TRHDE: variants seen among roughly 807,000 people sequenced by gnomAD.
TRHDE encodes the protein thyrotropin releasing hormone degrading enzyme.
TRHDE carries 72 observed loss-of-function variants against 125.7 expected under a neutral mutation model. The observed-to-expected ratio is 0.57, with a 90% CI of 0.47 to 0.70. The LOEUF (loss-of-function observed/expected upper bound fraction) is 0.70. Ranked by LOEUF, TRHDE falls within the 30% of genes least tolerant of loss-of-function variation. The pLI, the probability that TRHDE is intolerant of heterozygous loss-of-function variation, is 0.00. For missense variants in TRHDE, 1,110 were observed against 1,327.1 expected (o/e 0.84, Z 2.54); for synonymous variants, 509 against 509.1 (o/e 1.00, Z 0.00).
intron 2 of TRHDE, among the ~76,000 whole-genome samples, chr12:72,299,924 A>C (rs1880441928): frequency 6.6e-6 from 1 of 152,140 alleles, no homozygotes; most frequent in South Asian, 2.1e-4. Flanking sequence ...AGTGATTGAG[A>C]AGTATTGGGT....
intron 3 of TRHDE, among the ~76,000 whole-genome samples, chr12:72,389,066 G>A (rs1002702582): frequency 2.6e-5 from 4 of 151,890 alleles, no homozygotes; most frequent in African/African-American, 9.7e-5. Context: ...CGGGAGAGAG[G>A]CAGAAAAAAT....
At chr12:72,485,367 A>T (rs900679474) in intron 5 of TRHDE, among the ~76,000 whole-genome samples, 2 of 152,082 alleles carry the variant, frequency 1.3e-5, no homozygotes, top group Non-Finnish European at 2.9e-5. Flanking sequence ...TCCTGAGCTG[A>T]TCTGCTGCTA....
At chr12:72,509,295 T>C (rs958045567) in intron 6 of TRHDE, among the ~76,000 whole-genome samples, 5 of 151,324 alleles carry the variant, frequency 3.3e-5, no homozygotes, top group Admixed American at 3.3e-4. Flanking sequence ...CACAAAATGA[T>C]AATAAAAGAC....
chr12:72,354,500 G>A (rs905408779), intron 2 of TRHDE, among the ~76,000 whole-genome samples: 1 of 151,044 alleles, frequency 6.6e-6, no homozygotes, highest in South Asian at 2.1e-4. Flanking sequence ...CAGTGCCTAG[G>A]GCATAGCAGG....
intron 2 of TRHDE, among the ~76,000 whole-genome samples, chr12:72,250,722 G>A (rs1229789066): frequency 4.0e-5 from 6 of 151,228 alleles, no homozygotes; most frequent in Non-Finnish European, 8.8e-5. Flanking sequence ...TTTCCCTTTG[G>A]CCAGAGAAAA....
chr12:72,402,800 T>G (rs369319155), intron 3 of TRHDE, among the ~76,000 whole-genome samples: 38 of 152,308 alleles, frequency 2.5e-4, no homozygotes, highest in East Asian at 1.7e-3. Flanking sequence ...ACAACTTTTT[T>G]GTCCTTTATT....
chr12:72,378,695 A>G (rs1872010308), intron 3 of TRHDE, among the ~76,000 whole-genome samples: 1 of 152,218 alleles, frequency 6.6e-6, no homozygotes, highest in African/African-American at 2.4e-5. Flanking sequence ...CTAGTACACT[A>G]TTATAGTAAA....
At chr12:72,262,560 A>G (rs957911146) in intron 2 of TRHDE, 6 of 152,170 alleles carry the variant, frequency 3.9e-5, no homozygotes, top group African/African-American at 1.4e-4. Context: ...GCATAGTGAT[A>G]ACACTTTTAT....
rs17111146 is a variant in TRHDE, at chr12:72,428,326, G to A, written c.1316-41432G>A. 4.2e-3 allele frequency among the ~76,000 whole-genome samples: 646 copies of A among 152,128 alleles called. 4 individuals are homozygous for A. The highest frequency in any genetic ancestry group is 0.017 in the Middle Eastern group (5 of 294). ...TAATTCCATAATGTGTCATTTGTAA[G>A]CAATGTGATGGTGAATACTAATATG... On this transcript the variant is annotated intron_variant, in intron 3 of 18. Transcript: ENST00000261180.
intron 2 of TRHDE, among the ~76,000 whole-genome samples, chr12:72,194,239 A>T (rs139204590): frequency 6.6e-6 from 1 of 152,248 alleles, no homozygotes; most frequent in East Asian, 1.9e-4. Flanking sequence ...ATTGATGTTG[A>T]TACACAGAAT....
intron 3 of TRHDE, among the ~76,000 whole-genome samples, chr12:72,410,403 C>G (rs566604880): frequency 3.6e-4 from 55 of 152,026 alleles, no homozygotes; most frequent in African/African-American, 1.3e-3. Flanking sequence ...TTTTATGAGG[C>G]CAGCATAACT....
intron 15 of TRHDE, among the ~76,000 whole-genome samples, chr12:72,637,482 G>GT (rs1181421652): frequency 1.3e-5 from 2 of 152,026 alleles, no homozygotes; most frequent in Non-Finnish European, 2.9e-5. Context: ...TTTTTGAAGG[G>GT]TTTTTTGTGT....
chr12:72,124,334 A>G (rs913634056), intron 2 of TRHDE, among the ~76,000 whole-genome samples: 3 of 152,212 alleles, frequency 2.0e-5, no homozygotes, highest in African/African-American at 7.2e-5. Context: ...TGTTCAGATC[A>G]TATTGTCATA....
intron 2 of TRHDE, among the ~76,000 whole-genome samples, chr12:72,240,305 T>TTATATATATATATA (rs56969276): frequency 1.5e-3 from 169 of 111,328 alleles, no homozygotes; most frequent in Non-Finnish European, 2.9e-3. Context: ...TTCTCACATT[T>TTATATATATATATA]TATATATATA....
intron 2 of TRHDE, among the ~76,000 whole-genome samples, chr12:72,174,137 G>T (rs894122153): frequency 3.3e-5 from 5 of 152,194 alleles, no homozygotes; most frequent in Non-Finnish European, 5.9e-5. Flanking sequence ...CTGGGCATGT[G>T]TCTGCCACCA....
At chr12:72,092,285 T>C (rs1394304333) in intron 1 of TRHDE, among the ~76,000 whole-genome samples, 1 of 152,232 alleles carries the variant, frequency 6.6e-6, no homozygotes, top group Non-Finnish European at 1.5e-5. Context: ...TTTGAATTTC[T>C]CTTCTGGAAT....
chr12:72,376,537 T>C (rs1360772588), intron 2 of TRHDE, among the ~76,000 whole-genome samples: 1 of 152,190 alleles, frequency 6.6e-6, no homozygotes, highest in South Asian at 2.1e-4. Context: ...TTTGATATTT[T>C]ATTTAATTGT....
At chr12:72,303,227 T>A (rs1054034656) in intron 2 of TRHDE, 1 of 152,124 alleles carries the variant, frequency 6.6e-6, no homozygotes, top group Non-Finnish European at 1.5e-5. Context: ...ATGTTAGGAA[T>A]TAAAACAAAA....
chr12:72,118,192 A>G (rs1459720450), intron 2 of TRHDE, among the ~76,000 whole-genome samples: 2 of 152,020 alleles, frequency 1.3e-5, no homozygotes, highest in African/African-American at 2.4e-5. Flanking sequence ...GCTGTATCAT[A>G]TATGACTTTT....
Sources: allele counts gnomAD v4.1 joint callset (sites outside exome capture counted in the v4.1 genomes callset), GRCh38; gene constraint gnomAD v4.1.1; transcripts MANE v1.5; gene names NCBI Gene and HGNC (gene_info 2026-07-23, HGNC 2026-07-21).